Variants in DACH1 observed in about 807,000 individuals in gnomAD.
DACH1 encodes the protein dachshund homolog 1.
In DACH1, 12 loss-of-function variants were observed where a neutral mutation model predicts 54.2. The ratio of observed to expected loss-of-function variants is 0.22; its 90% CI spans 0.14 to 0.36. The LOEUF (loss-of-function observed/expected upper bound fraction) is 0.36, where lower values mean the gene tolerates loss of function less well. Ranked by LOEUF, DACH1 falls within the 10% of genes least tolerant of loss-of-function variation. DACH1 has a pLI of 1.00. For missense variants in DACH1, 805 were observed against 929.8 expected, an observed-to-expected ratio of 0.87 and a Z score of 1.75; for synonymous variants, 386 against 366.2, an observed-to-expected ratio of 1.05 and a Z score of -0.62.
chr13:71,676,329 T>C (rs1335070192), intron 2 of DACH1, among the ~76,000 whole-genome samples: 1 of 152,172 alleles, frequency 6.6e-6, no homozygotes, highest in Non-Finnish European at 1.5e-5. Context: ...GCGATTCTCC[T>C]GCCTCAGCCT....
chr13:71,673,022 T>C (rs373057148), intron 2 of DACH1, among the ~76,000 whole-genome samples: 13 of 152,190 alleles, frequency 8.5e-5, no homozygotes, highest in African/African-American at 3.1e-4. Context: ...AACTTCATTA[T>C]GGGAAATCTA....
At chr13:71,836,632 G>A (rs1424996223) in intron 1 of DACH1, among the ~76,000 whole-genome samples, 1 of 151,980 alleles carries the variant, frequency 6.6e-6, no homozygotes, top group African/African-American at 2.4e-5. Context: ...AAACCAAAGC[G>A]AGAGAAAATG....
chr13:71,617,329 A>C (rs1176472917), intron 3 of DACH1, among the ~76,000 whole-genome samples: 2 of 152,030 alleles, frequency 1.3e-5, no homozygotes, highest in Admixed American at 6.6e-5. Flanking sequence ...TTTTTTATTA[A>C]TTGTTTTTGT....
chr13:71,513,478 C>T lies in DACH1; in HGVS notation c.1571-24330G>A, dbSNP rs570480839. Among the ~76,000 whole-genome samples, 8 of 152,004 alleles carry T rather than the reference C, an allele frequency of 5.3e-5. No individual in the cohort carries two copies. The South Asian group carries it at 1.7e-3, about 32-fold the overall frequency. On this transcript the variant is annotated intron_variant, in intron 6 of 10. Coordinates refer to ENST00000613252, the MANE Select transcript of DACH1 (RefSeq NM_080759.6). ...AAAATATTAGTAGAAGCAAGGCAAA[C>T]ATTCAGAAACTCTAATTTAGTATTA...
chr13:71,475,243 T>C, intron 9 of DACH1, 34 bp from the exon 10 acceptor site: 3 of 1,533,278 alleles, frequency 2.0e-6, no homozygotes, highest in Non-Finnish European at 2.7e-6. Flanking sequence ...TGACACATAT[T>C]TCATTTGATT....
chr13:71,662,932 T>A (rs1382949511), intron 2 of DACH1, among the ~76,000 whole-genome samples: 1 of 151,974 alleles, frequency 6.6e-6, no homozygotes. Flanking sequence ...GATTACTGAG[T>A]GGCAATGTCA....
chr13:71,466,782 G>T (rs1248963682), intron 10 of DACH1, among the ~76,000 whole-genome samples: 1 of 148,604 alleles, frequency 6.7e-6, no homozygotes, highest in Non-Finnish European at 1.5e-5. Context: ...GAAAGTTGAG[G>T]ATGCAGTGAG....
chr13:71,800,312 T>C (rs1887239957), intron 1 of DACH1, among the ~76,000 whole-genome samples: 1 of 152,054 alleles, frequency 6.6e-6, no homozygotes, highest in Admixed American at 6.6e-5. Flanking sequence ...AGCTGAGAAA[T>C]CTAATAGCCG....
intron 6 of DACH1, among the ~76,000 whole-genome samples, chr13:71,546,501 G>T (rs192253882): frequency 6.6e-6 from 1 of 151,968 alleles, no homozygotes; most frequent in East Asian, 1.9e-4. Flanking sequence ...TACTTTACTT[G>T]CTTGGAGTAG....
intron 1 of DACH1, among the ~76,000 whole-genome samples, chr13:71,844,815 G>A (rs1566538506): frequency 6.6e-6 from 1 of 151,994 alleles, no homozygotes; most frequent in Admixed American, 6.6e-5. Flanking sequence ...AAGGCAACAT[G>A]GATAGAACTG....
At chr13:71,825,526 G>T (rs927184815) in intron 1 of DACH1, among the ~76,000 whole-genome samples, 7 of 152,050 alleles carry the variant, frequency 4.6e-5, no homozygotes, top group African/African-American at 2.4e-5. Flanking sequence ...GCCTATTCTG[G>T]TCAATTTCTA....
intron 1 of DACH1, among the ~76,000 whole-genome samples, chr13:71,817,272 A>T: frequency 6.6e-6 from 1 of 152,216 alleles, no homozygotes; most frequent in Admixed American, 6.5e-5. Flanking sequence ...TGTCCAAGTC[A>T]TAGAGTTGTG....
At position 71,780,506 on chromosome 13, in the gene DACH1, C is replaced by T. The variant is rs150063386; in HGVS notation, c.848+85416G>A. Among the ~76,000 whole-genome samples, 488 of 152,074 alleles carry T rather than the reference C, an allele frequency of 3.2e-3. 1 individual carries two copies. The highest frequency in any genetic ancestry group is 0.011 in the African/African-American group (441 of 41,484). ...ACACGGTATGAAACAGAGGCTACCA[C>T]ATATTTTTGAAAATTAGCTACAAGT... is the stretch of plus-strand genomic sequence containing the variant. On this transcript the variant is annotated intron_variant, in intron 1 of 10. Coordinates refer to ENST00000613252, the MANE Select transcript of DACH1 (RefSeq NM_080759.6).
chr13:71,602,391 CTT>C (rs1003291589), intron 3 of DACH1, among the ~76,000 whole-genome samples: 1 of 151,898 alleles, frequency 6.6e-6, no homozygotes, highest in Admixed American at 6.6e-5. Flanking sequence ...TAACTGCCTC[CTT>C]TTTTTCTTAA....
At chr13:71,748,874 CTTTCTTTCTTTCTT>C (rs1473085150) in intron 1 of DACH1, among the ~76,000 whole-genome samples, 1 of 20,198 alleles carries the variant, frequency 5.0e-5, no homozygotes, top group African/African-American at 1.0e-4. Context: ...TTCTTTCTTT[CTTTCTTTCTTTCTT>C]TCTTTCTTTC....
intron 1 of DACH1, among the ~76,000 whole-genome samples, chr13:71,843,087 A>G (rs1872986286): frequency 6.6e-6 from 1 of 151,804 alleles, no homozygotes; most frequent in African/African-American, 2.4e-5. Flanking sequence ...TATTTTTTTA[A>G]TTTTTAATTT....
chr13:71,662,080 T>G (rs935744894), intron 2 of DACH1, among the ~76,000 whole-genome samples: 1 of 152,036 alleles, frequency 6.6e-6, no homozygotes, highest in African/African-American at 2.4e-5. Flanking sequence ...CAACCACAAA[T>G]GGACACAATA....
At chr13:71,748,875 T>TC (rs1566476620) in intron 1 of DACH1, among the ~76,000 whole-genome samples, 1 of 108,232 alleles carries the variant, frequency 9.2e-6, no homozygotes, top group African/African-American at 5.1e-5. Context: ...TCTTTCTTTC[T>TC]TTCTTTCTTT....
intron 3 of DACH1, among the ~76,000 whole-genome samples, chr13:71,587,603 AT>A (rs533292417): frequency 6.6e-6 from 1 of 151,922 alleles, no homozygotes; most frequent in Admixed American, 6.6e-5. Context: ...ATTTTCTGTG[AT>A]TTTTTATGAT....
Sources: gnomAD v4.1 joint callset for allele counts (sites outside exome capture counted in the v4.1 genomes callset) on GRCh38, gnomAD v4.1.1 for gene constraint, MANE v1.5 for transcripts, NCBI Gene and HGNC (gene_info 2026-07-23, HGNC 2026-07-21) for gene names.